The following ROBO2 variants were observed in gnomAD, a reference collection of about 807,000 sequenced individuals.
ROBO2 encodes the protein roundabout guidance receptor 2.
A neutral mutation model predicts 160.8 loss-of-function variants in ROBO2; 53 were observed. The ratio of observed to expected loss-of-function variants is 0.33; its 90% CI spans 0.26 to 0.41. ROBO2 has a LOEUF of 0.41. ROBO2 is among the 10% of genes least tolerant of loss of function. ROBO2 has a pLI of 1.00. For missense variants in ROBO2, 1,577 were observed against 1,722.4 expected, an observed-to-expected ratio of 0.92 and a Z score of 1.49; for synonymous variants, 664 against 611.7, an observed-to-expected ratio of 1.09 and a Z score of -1.26.
intron 2 of ROBO2, among the ~76,000 whole-genome samples, chr3:76,076,480 CATT>C (rs1470177841): frequency 6.6e-6 from 1 of 152,088 alleles, no homozygotes; most frequent in African/African-American, 2.4e-5. Context: ...ATACTATAGA[CATT>C]ATTTTTATAG....
intron 16 of ROBO2, among the ~76,000 whole-genome samples, chr3:77,586,623 G>C (rs1272215356): frequency 6.6e-6 from 1 of 151,888 alleles, no homozygotes; most frequent in African/African-American, 2.4e-5. Flanking sequence ...AATACACCTT[G>C]AGTAACATAA....
intron 2 of ROBO2, among the ~76,000 whole-genome samples, chr3:76,906,226 T>A (rs1033197440): frequency 4.6e-5 from 7 of 151,998 alleles, no homozygotes; most frequent in African/African-American, 1.7e-4. Context: ...CTTTTAATAA[T>A]ATATTTGCAC....
At chr3:76,567,658 T>TATATATATATAC (rs1200541434) in intron 2 of ROBO2, among the ~76,000 whole-genome samples, 1 of 102,128 alleles carries the variant, frequency 9.8e-6, no homozygotes, top group East Asian at 2.9e-4. Flanking sequence ...TATATACACA[T>TATATATATATAC]ACACATATAT....
At chr3:76,657,896 A>G (rs867012434) in intron 2 of ROBO2, among the ~76,000 whole-genome samples, 207 of 148,024 alleles carry the variant, frequency 1.4e-3, no homozygotes, top group Middle Eastern at 3.6e-3. Context: ...ATATATATAT[A>G]TGTGTGTGTA....
chr3:76,740,379 T>C (rs2108024154), intron 2 of ROBO2, among the ~76,000 whole-genome samples: 1 of 152,318 alleles, frequency 6.6e-6, no homozygotes, highest in Non-Finnish European at 1.5e-5. Flanking sequence ...CTAGATATTC[T>C]GTGTGGAATG....
intron 2 of ROBO2, among the ~76,000 whole-genome samples, chr3:75,952,376 A>G (rs1178727192): frequency 6.6e-6 from 1 of 151,972 alleles, no homozygotes; most frequent in Non-Finnish European, 1.5e-5. Flanking sequence ...ATATTTATTA[A>G]TGAAATGTAA....
rs577076759 is a variant in ROBO2 at position 76,363,797 on chromosome 3, GT to G, written c.109+426205del. The stretch of plus-strand genomic sequence containing the variant: ...GTGGATGTTTTGAAAGTGCTTAAGA[GT>G]TTTTTTTTTAAATGTTTTATTTCTT... On this transcript the variant is annotated intron_variant, in intron 2 of 26. Coordinates refer to the ROBO2 transcript ENST00000487694. Among the ~76,000 whole-genome samples, 56 of 149,690 alleles carry G rather than the reference GT, an allele frequency of 3.7e-4. No homozygotes were observed. The East Asian group carries it at 5.9e-3, about 16-fold the overall frequency.
chr3:77,439,993 A>G (rs1560837816), intron 2 of ROBO2, among the ~76,000 whole-genome samples: 1 of 152,194 alleles, frequency 6.6e-6, no homozygotes, highest in African/African-American at 2.4e-5. Context: ...TAATATGCAA[A>G]CAAAAAATAG....
intron 2 of ROBO2, among the ~76,000 whole-genome samples, chr3:77,228,220 G>A (rs76662965): frequency 3.4e-3 from 523 of 152,108 alleles, no homozygotes; most frequent in South Asian, 8.5e-3. Context: ...AGGCTGGAGT[G>A]CAGTGGCATG....
At chr3:76,843,344 T>C (rs2068473801) in intron 2 of ROBO2, among the ~76,000 whole-genome samples, 1 of 151,936 alleles carries the variant, frequency 6.6e-6, no homozygotes, top group Non-Finnish European at 1.5e-5. Context: ...ATCATATGAC[T>C]CAAAATAGAA....
chr3:76,298,511 G>A (rs1250845906), intron 2 of ROBO2, among the ~76,000 whole-genome samples: 3 of 152,100 alleles, frequency 2.0e-5, no homozygotes, highest in Non-Finnish European at 4.4e-5. Context: ...CTACATCAAG[G>A]GGTATCACTG....
intron 2 of ROBO2, among the ~76,000 whole-genome samples, chr3:76,261,693 C>T (rs1002109911): frequency 6.6e-6 from 1 of 151,776 alleles, no homozygotes; most frequent in Non-Finnish European, 1.5e-5. Flanking sequence ...ATTAAATAAG[C>T]CCTCTCCTCA....
At chr3:76,510,433 G>T (rs1039952185) in intron 2 of ROBO2, among the ~76,000 whole-genome samples, 1 of 152,048 alleles carries the variant, frequency 6.6e-6, no homozygotes, top group African/African-American at 2.4e-5. Context: ...AGAAGTTAAT[G>T]AAAAATATGG....
intron 2 of ROBO2, among the ~76,000 whole-genome samples, chr3:77,384,048 C>T (rs1355922742): frequency 6.6e-6 from 1 of 152,068 alleles, no homozygotes. Context: ...TGAAAATTTT[C>T]AGATGTAGTA....
chr3:77,242,990 T>C (rs2089253101), intron 2 of ROBO2, among the ~76,000 whole-genome samples: 1 of 151,542 alleles, frequency 6.6e-6, no homozygotes, highest in South Asian at 2.1e-4. Flanking sequence ...TGTTTGTGTA[T>C]GTGTTTCTGT....
chr3:76,455,117 C>T (rs912332739), intron 2 of ROBO2, among the ~76,000 whole-genome samples: 1 of 152,094 alleles, frequency 6.6e-6, no homozygotes, highest in Non-Finnish European at 1.5e-5. Context: ...AAATTTATTT[C>T]ACCATGGAAT....
At chr3:76,729,418 T>G (rs1391837651) in intron 2 of ROBO2, among the ~76,000 whole-genome samples, 1 of 152,160 alleles carries the variant, frequency 6.6e-6, no homozygotes, top group Admixed American at 6.5e-5. Flanking sequence ...GATTATTAAA[T>G]TAAGATCACT....
At chr3:76,270,829 T>C (rs1277156629) in intron 2 of ROBO2, among the ~76,000 whole-genome samples, 1 of 152,090 alleles carries the variant, frequency 6.6e-6, no homozygotes, top group African/African-American at 2.4e-5. Flanking sequence ...ACTTGGATTC[T>C]AGTCCTAGAT....
At chr3:77,265,174 G>T (rs2059043067) in intron 2 of ROBO2, among the ~76,000 whole-genome samples, 2 of 152,104 alleles carry the variant, frequency 1.3e-5, no homozygotes, top group African/African-American at 4.8e-5. Flanking sequence ...TAAAAGAAGG[G>T]CAGGTATCAC....
Sources: allele counts gnomAD v4.1 joint callset (sites outside exome capture counted in the v4.1 genomes callset), GRCh38; gene constraint gnomAD v4.1.1; transcripts MANE v1.5; gene names NCBI Gene and HGNC (gene_info 2026-07-23, HGNC 2026-07-21).